The following SWI5 variants were observed in gnomAD, a reference collection of about 807,000 sequenced individuals.
SWI5 encodes DNA repair protein SWI5 homolog.
SWI5 carries 12 observed loss-of-function variants against 17.0 expected under a neutral mutation model. The observed-to-expected ratio is 0.71, with a 90% CI of 0.45 to 1.14. SWI5 has a LOEUF of 1.14. SWI5 is among the 50% of genes most tolerant of loss of function. The pLI is 0.00. For missense variants in SWI5, 158 were observed against 162.2 expected, an observed-to-expected ratio of 0.97 and a Z score of 0.14; for synonymous variants, 61 against 64.0, an observed-to-expected ratio of 0.95 and a Z score of 0.22.
At position 128,278,660 on chromosome 9, in the gene SWI5, G is replaced by A. The variant is rs769562299; in HGVS notation, c.111+1905G>A. On this transcript the variant is annotated intron_variant, in intron 2 of 4. Coordinates refer to ENST00000418976, the Ensembl canonical transcript of SWI5. ...TCCTTCCAGCAACCTTTGAGAAGAC[G>A]CTTTACTGTCCCCATGTTGAGGTGA... 52 of 471,598 alleles carry A rather than the reference G, an allele frequency of 1.1e-4. 1 individual carries two copies. Among genetic ancestry groups the A allele is most frequent in the Admixed American group, 4.0e-4 (17 of 42,524 alleles). The allele number at this position is 471,598 out of a possible 1,614,324, so 29.2% of individuals were successfully genotyped here.
At chr9:128,276,999 T>C (rs1831413905) in intron 2 of SWI5, among the ~76,000 whole-genome samples, 1 of 152,006 alleles carries the variant, frequency 6.6e-6, no homozygotes, top group African/African-American at 2.4e-5. Context: ...CCCCATCCTG[T>C]CTCCTGGCTC....
chr9:128,277,664 G>A (rs1004394240), intron 2 of SWI5, among the ~76,000 whole-genome samples: 1 of 152,196 alleles, frequency 6.6e-6, no homozygotes, highest in Non-Finnish European at 1.5e-5. Flanking sequence ...GGAGCCACAG[G>A]CAAAAAAATA....
At chr9:128,276,300 C>T (rs1564371479) in exon 1 of SWI5, 2 of 1,612,900 alleles carry the variant, frequency 1.2e-6, no homozygotes. Context: ...GTCAGAGTTC[C>T]TGGCCCGGTG....
intron 2 of SWI5, among the ~76,000 whole-genome samples, chr9:128,277,290 A>G (rs1030097770): frequency 1.3e-5 from 2 of 152,020 alleles, no homozygotes; most frequent in African/African-American, 4.8e-5. Flanking sequence ...AGTGGCTCAC[A>G]CCTGTAATCC....
exon 2 of SWI5, chr9:128,276,721 T>G (rs1230461730): frequency 1.2e-6 from 2 of 1,613,000 alleles, no homozygotes; most frequent in South Asian, 2.2e-5. Flanking sequence ...GAACCAAGAC[T>G]TACCCGAAGT....
intron 2 of SWI5, chr9:128,278,675 T>A (rs1456584065): frequency 4.2e-6 from 2 of 471,756 alleles, no homozygotes; most frequent in South Asian, 3.1e-5. Context: ...ACTGTCCCCA[T>A]GTTGAGGTGA....
chr9:128,283,840 TTGGC>T (rs570654164), intron 2 of SWI5, among the ~76,000 whole-genome samples: 1 of 152,126 alleles, frequency 6.6e-6, no homozygotes, highest in Non-Finnish European at 1.5e-5. Context: ...TTCCCAGTCA[TTGGC>T]TGGGAACAGT....
Position 128,285,907 on chromosome 9 carries a change from G to T in SWI5, c.234-32G>T. Reference sequence around the variant, plus strand: ...CATCATCTGCTTTCTTAACTGGGCTGTCTTTCCCCCTCTCTCCATCGCTTA... The same window carrying T: ...CATCATCTGCTTTCTTAACTGGGCTTTCTTTCCCCCTCTCTCCATCGCTTA... On this transcript the variant is annotated intron_variant, in intron 3 of 4. Coordinates refer to ENST00000418976, the Ensembl canonical transcript of SWI5. The surrounding 1 kb of genome is among the most constrained non-coding windows in gnomAD (Gnocchi z 4.8). The T allele has an allele frequency of 6.6e-7, 1 of 1,516,990 alleles. No homozygotes were observed. The highest frequency in any genetic ancestry group is 9.2e-7 in the Non-Finnish European group (1 of 1,092,002). The allele number at this position is 1,516,990 out of a possible 1,614,324, so 94.0% of individuals were successfully genotyped here.
chr9:128,277,533 A>G (rs548072388), intron 2 of SWI5, among the ~76,000 whole-genome samples: 1 of 152,350 alleles, frequency 6.6e-6, no homozygotes, highest in East Asian at 1.9e-4. Context: ...CAGCCTGGAC[A>G]ACAGAGCTAG....
Position 128,285,754 on chromosome 9 carries a change from A to G in SWI5, c.234-185A>G, listed in dbSNP as rs1194327582. Among the ~76,000 whole-genome samples the G allele has an allele frequency of 6.6e-6, 1 of 152,108 alleles. No individual in the cohort carries two copies. Among genetic ancestry groups the G allele is most frequent in the Non-Finnish European group, 1.5e-5 (1 of 68,002 alleles). On this transcript the variant is annotated intron_variant, in intron 3 of 4. Coordinates refer to ENST00000418976, the Ensembl canonical transcript of SWI5. The surrounding 1 kb of genome is among the most constrained non-coding windows in gnomAD (Gnocchi z 4.8). ...CAGGGCACATTTGCCAGGAGTGAGG[A>G]CCTGGGAAGATCCCCTGCCCTGCTG... is the stretch of plus-strand genomic sequence containing the variant.
upstream of SWI5, chr9:128,275,379 C>T: frequency 7.8e-7 from 1 of 1,286,122 alleles, no homozygotes; most frequent in Non-Finnish European, 9.9e-7. Flanking sequence ...GGGGGAACAT[C>T]AGCGCGACGT....
rs763849782 is a variant in SWI5 at position 128,285,992 on chromosome 9, A to G, written c.287A>G (p.Asn96Ser). 196 of 1,613,960 alleles carry G rather than the reference A, an allele frequency of 1.2e-4. No homozygotes were observed. The highest frequency in any genetic ancestry group is 1.8e-4 in the Admixed American group (11 of 59,992). ...CACATTACCCAGCTTCACGAGTACA[A>G]TGACATCAAGGATGTGGGGCAGATG... is the stretch of plus-strand genomic sequence containing the variant. The change falls in exon 4 of 5, where the codon AAT (asparagine) becomes AGT (serine). Residue 96 changes from asparagine to serine, a missense_variant. Physicochemically the swap from Asn to Ser is conservative, Grantham distance 46. Coordinates refer to ENST00000418976, the Ensembl canonical transcript of SWI5. This position sits in a 1 kb window ranked among gnomAD's most constrained non-coding sequence, Gnocchi z 4.8.
chr9:128,276,283 A>C (rs370181075), exon 1 of SWI5: 1 of 1,612,282 alleles, frequency 6.2e-7, no homozygotes, highest in East Asian at 2.2e-5. Flanking sequence ...GCCAGTTCAC[A>C]CTCCGGGTCA....
At chr9:128,284,617 C>T in exon 3 of SWI5, 1 of 1,613,622 alleles carries the variant, frequency 6.2e-7, no homozygotes, top group Non-Finnish European at 8.5e-7. Context: ...AGGAGATCTC[C>T]CAGTTCGTAT....
At chr9:128,275,545 G>C (rs1248233938), upstream of SWI5, 2 of 1,268,070 alleles carry the variant, frequency 1.6e-6, no homozygotes, top group African/African-American at 1.6e-5. Context: ...CGGGCCCAAA[G>C]TCACTGGCGA....
upstream of SWI5, chr9:128,275,618 A>C (rs1724267175): frequency 1.2e-6 from 1 of 803,922 alleles, no homozygotes; most frequent in South Asian, 2.3e-5. Context: ...GAGCCCAGGG[A>C]GGTCGGACTT....
intron 2 of SWI5, among the ~76,000 whole-genome samples, chr9:128,278,193 C>T (rs1202322430): frequency 6.6e-6 from 1 of 152,048 alleles, no homozygotes; most frequent in Admixed American, 6.6e-5. Flanking sequence ...GAGCTCAAAG[C>T]AACCTGCCCG....
chr9:128,278,208 G>A (rs1038451353), intron 2 of SWI5, among the ~76,000 whole-genome samples: 7 of 151,804 alleles, frequency 4.6e-5, no homozygotes, highest in Non-Finnish European at 8.8e-5. Flanking sequence ...TGCCCGCCTC[G>A]GCCTCCCAAA....
chr9:128,283,060 A>C (rs373720005), intron 2 of SWI5, among the ~76,000 whole-genome samples: 2 of 152,158 alleles, frequency 1.3e-5, no homozygotes, highest in Admixed American at 6.5e-5. Flanking sequence ...CACGCCTGTA[A>C]TCCCAGCACT....
Sources: gnomAD v4.1 joint callset for allele counts (sites outside exome capture counted in the v4.1 genomes callset) on GRCh38, gnomAD v4.1.1 for gene constraint, Gnocchi (gnomAD v3.1) non-coding constraint, MANE v1.5 for transcripts, NCBI Gene and HGNC (gene_info 2026-07-23, HGNC 2026-07-21) for gene names.